Variants in RAPGEF1 observed in about 807,000 individuals in gnomAD.
RAPGEF1 encodes Rap guanine nucleotide exchange factor 1, also known as CRK SH3-binding GNRP.
Under a neutral mutation model 143.3 loss-of-function variants are expected in RAPGEF1, and 33 were observed. The ratio of observed to expected loss-of-function variants is 0.23; its 90% CI spans 0.17 to 0.31. The LOEUF is 0.31. Among genes scored for constraint, RAPGEF1 ranks in the 10% least tolerant of loss-of-function variants. The pLI is 1.00. For missense variants in RAPGEF1, 1,199 were observed against 1,645.4 expected (o/e 0.73, Z 4.69); for synonymous variants, 629 against 676.5 (o/e 0.93, Z 1.09).
intron 12 of RAPGEF1, among the ~76,000 whole-genome samples, chr9:131,616,019 C>A (rs183474129): frequency 2.0e-5 from 3 of 152,290 alleles, no homozygotes; most frequent in Non-Finnish European, 4.4e-5. Flanking sequence ...GTAATCCCAG[C>A]ACTTTGGGAG....
At chr9:131,738,659 T>C (rs1480187448) in intron 1 of RAPGEF1, among the ~76,000 whole-genome samples, 3 of 152,184 alleles carry the variant, frequency 2.0e-5, no homozygotes, top group Non-Finnish European at 2.9e-5. Flanking sequence ...ACAGACTAGC[T>C]TCAAAAATTT....
At chr9:131,659,497 G>A (rs1973414190) in intron 1 of RAPGEF1, among the ~76,000 whole-genome samples, 1 of 144,054 alleles carries the variant, frequency 6.9e-6, no homozygotes, top group South Asian at 2.3e-4. Context: ...GGGACTACAG[G>A]TGTGAGCCAT....
chr9:131,698,452 G>T (rs376156458), intron 1 of RAPGEF1, among the ~76,000 whole-genome samples: 2 of 152,184 alleles, frequency 1.3e-5, no homozygotes, highest in African/African-American at 2.4e-5. Context: ...CTACCCCAAA[G>T]AACTCTTGTG....
intron 1 of RAPGEF1, among the ~76,000 whole-genome samples, chr9:131,672,113 CT>C (rs1033541787): frequency 2.6e-5 from 4 of 152,158 alleles, no homozygotes; most frequent in Admixed American, 2.6e-4. Context: ...TGCCAAGACA[CT>C]GGTTAGCTTC....
chr9:131,586,594 C>A (rs1307820017), intron 22 of RAPGEF1, among the ~76,000 whole-genome samples: 1 of 81,452 alleles, frequency 1.2e-5, no homozygotes, highest in Non-Finnish European at 2.2e-5. Context: ...ACCTGCAGAG[C>A]GAGACTCCGT....
rs35463337 is a variant in RAPGEF1 at position 131,675,008 on chromosome 9, TG to T, written c.62-24060del. ...AGACTCCTGGGATGTGCAGGGACAC[TG>T]GGGGGTTCTGGAGGAGCAGCTGGGA... On this transcript the variant is annotated intron_variant, in intron 1 of 26. Coordinates refer to ENST00000683357, the MANE Select transcript of RAPGEF1 (RefSeq NM_001377935.1). The surrounding 1 kb of genome is among the most constrained non-coding windows in gnomAD (Gnocchi z 4.6). Among the ~76,000 whole-genome samples the T allele has an allele frequency of 6.6e-6, 1 of 151,764 alleles. No individual in the cohort carries two copies. The highest frequency in any genetic ancestry group is 6.6e-5 in the Admixed American group (1 of 15,238).
At chr9:131,633,228 A>C (rs1160726770) in intron 5 of RAPGEF1, among the ~76,000 whole-genome samples, 1 of 152,216 alleles carries the variant, frequency 6.6e-6, no homozygotes, top group African/African-American at 2.4e-5. Flanking sequence ...AAGATGGAGG[A>C]GGAGAGACTA....
intron 4 of RAPGEF1, 28 bp from the exon 5 acceptor site, chr9:131,638,819 A>C: frequency 6.2e-7 from 1 of 1,604,854 alleles, no homozygotes; most frequent in Non-Finnish European, 8.5e-7. Context: ...ATGGAAAAAA[A>C]GAAAATCTAA....
At chr9:131,721,686 T>A (rs547916603) in intron 1 of RAPGEF1, among the ~76,000 whole-genome samples, 1 of 152,086 alleles carries the variant, frequency 6.6e-6, no homozygotes, top group East Asian at 1.9e-4. Context: ...TCTGCATCTG[T>A]GGATTCAACC....
At chr9:131,645,727 G>A (rs994085133) in intron 3 of RAPGEF1, among the ~76,000 whole-genome samples, 1 of 152,198 alleles carries the variant, frequency 6.6e-6, no homozygotes, top group African/African-American at 2.4e-5. Flanking sequence ...AAGCTGCCTC[G>A]CTGCATAACC....
chr9:131,684,681 T>G (rs961303427), intron 1 of RAPGEF1, among the ~76,000 whole-genome samples: 1 of 152,240 alleles, frequency 6.6e-6, no homozygotes, highest in African/African-American at 2.4e-5. Context: ...ACAACTGATT[T>G]AGTGGAGAGA....
At chr9:131,622,265 G>A (rs1347606089) in intron 10 of RAPGEF1, among the ~76,000 whole-genome samples, 6 of 152,212 alleles carry the variant, frequency 3.9e-5, no homozygotes, top group East Asian at 1.9e-4. Context: ...GGCACATGGC[G>A]GGTGCAGGGA....
At chr9:131,700,117 A>G (rs982451124) in intron 1 of RAPGEF1, among the ~76,000 whole-genome samples, 2 of 151,186 alleles carry the variant, frequency 1.3e-5, no homozygotes, top group African/African-American at 4.9e-5. Context: ...GTCCTAGACT[A>G]CTCTTTCTCT....
intron 1 of RAPGEF1, among the ~76,000 whole-genome samples, chr9:131,694,225 C>A (rs1330663234): frequency 2.0e-5 from 3 of 152,178 alleles, no homozygotes; most frequent in Non-Finnish European, 4.4e-5. Flanking sequence ...AGGGCAAGGG[C>A]TGGGGGCAGA....
At chr9:131,707,718 G>A (rs1835180420) in intron 1 of RAPGEF1, among the ~76,000 whole-genome samples, 1 of 152,200 alleles carries the variant, frequency 6.6e-6, no homozygotes, top group Non-Finnish European at 1.5e-5. Flanking sequence ...TGGGATTACA[G>A]TATTGTTTTT....
intron 1 of RAPGEF1, among the ~76,000 whole-genome samples, chr9:131,679,057 A>G (rs564666462): frequency 6.6e-6 from 1 of 151,950 alleles, no homozygotes; most frequent in African/African-American, 2.4e-5. Flanking sequence ...AAGAGGCAGC[A>G]GTGACTGGGG....
intron 3 of RAPGEF1, among the ~76,000 whole-genome samples, chr9:131,646,938 G>A (rs1969812747): frequency 6.6e-6 from 1 of 152,138 alleles, no homozygotes. Context: ...GCATCTCCCT[G>A]GAAGAGCTGA....
chr9:131,726,880 T>C (rs914426324), intron 1 of RAPGEF1, among the ~76,000 whole-genome samples: 2 of 152,136 alleles, frequency 1.3e-5, no homozygotes, highest in Admixed American at 1.3e-4. Context: ...GGTACGCACC[T>C]GTAGTCCCAG....
intron 12 of RAPGEF1, among the ~76,000 whole-genome samples, chr9:131,610,309 C>G (rs1037951326): frequency 6.6e-6 from 1 of 151,670 alleles, no homozygotes. Flanking sequence ...TGCTCATCAG[C>G]GGCTGAGGGT....
Sources: allele counts gnomAD v4.1 joint callset (sites outside exome capture counted in the v4.1 genomes callset), GRCh38; gene constraint gnomAD v4.1.1; non-coding constraint Gnocchi (gnomAD v3.1); transcripts MANE v1.5; gene names NCBI Gene and HGNC (gene_info 2026-07-23, HGNC 2026-07-21).